Variants in DPYD observed in about 807,000 individuals in gnomAD.
The protein encoded by DPYD is dihydropyrimidine dehydrogenase [NADP(+)].
In DPYD, 109 loss-of-function variants were observed where a neutral mutation model predicts 116.2. The ratio of observed to expected loss-of-function variants is 0.94; its 90% CI spans 0.80 to 1.10. The LOEUF is 1.10. Among genes scored for constraint, DPYD ranks in the 50% least tolerant of loss-of-function variants. The probability of loss-of-function intolerance (pLI) is 0.00; values close to 1 mark genes in which losing one functional copy is unlikely to be tolerated. For synonymous variants in DPYD, 440 were observed against 432.0 expected, an observed-to-expected ratio of 1.02 and a Z score of -0.23; for missense variants, 1,302 against 1,254.5, an observed-to-expected ratio of 1.04 and a Z score of -0.57.
At chr1:97,223,433 C>A (rs571647999) in intron 19 of DPYD, among the ~76,000 whole-genome samples, 1 of 148,438 alleles carries the variant, frequency 6.7e-6, no homozygotes, top group African/African-American at 2.5e-5. Context: ...ACACACACAT[C>A]CATACAATCT....
chr1:97,218,441 T>C (rs10875055), intron 19 of DPYD, among the ~76,000 whole-genome samples: 97,606 of 151,418 alleles, frequency 0.64, 32,754 homozygotes, highest in East Asian at 0.99. Flanking sequence ...GAGCTACCCA[T>C]CCGCCTTTAT....
intron 12 of DPYD, among the ~76,000 whole-genome samples, chr1:97,549,076 T>A (rs1419103640): frequency 2.6e-5 from 4 of 152,080 alleles, no homozygotes; most frequent in African/African-American, 9.7e-5. Flanking sequence ...TTCTTATTTT[T>A]TTTTTTTGAG....
chr1:97,581,873 A>G (rs763074849), intron 10 of DPYD, among the ~76,000 whole-genome samples: 3 of 152,152 alleles, frequency 2.0e-5, no homozygotes, highest in Non-Finnish European at 4.4e-5. Context: ...TATGGAATCC[A>G]TTCTCTCTCT....
At chr1:97,555,548 G>A (rs755297334) in intron 11 of DPYD, among the ~76,000 whole-genome samples, 3 of 151,896 alleles carry the variant, frequency 2.0e-5, no homozygotes, top group Non-Finnish European at 4.4e-5. Context: ...TTGTGAACAC[G>A]TCTTACCTTT....
At chr1:97,598,026 T>A (rs1040281704) in intron 8 of DPYD, among the ~76,000 whole-genome samples, 1 of 152,170 alleles carries the variant, frequency 6.6e-6, no homozygotes, top group Non-Finnish European at 1.5e-5. Flanking sequence ...ACCATATATA[T>A]AATTGAGAGC....
intron 5 of DPYD, among the ~76,000 whole-genome samples, chr1:97,710,714 C>G (rs1249970260): frequency 6.7e-6 from 1 of 150,124 alleles, no homozygotes; most frequent in East Asian, 1.9e-4. Flanking sequence ...TCCTAGACAC[C>G]AGTATGAAAA....
intron 19 of DPYD, among the ~76,000 whole-genome samples, chr1:97,227,366 G>GA (rs35923854): frequency 0.74 from 94,128 of 127,464 alleles, 35,437 homozygotes; most frequent in East Asian, 0.98. Context: ...AAGAAAGAAA[G>GA]AAAAAAGAAA....
chr1:97,815,316 A>T (rs967507872), intron 3 of DPYD, among the ~76,000 whole-genome samples: 1 of 152,190 alleles, frequency 6.6e-6, no homozygotes, highest in African/African-American at 2.4e-5. Context: ...AGAAATGATA[A>T]CTACCTAGGA....
chr1:97,800,101 T>G (rs1408527337), intron 3 of DPYD, among the ~76,000 whole-genome samples: 1 of 151,928 alleles, frequency 6.6e-6, no homozygotes, highest in Non-Finnish European at 1.5e-5. Context: ...TCATATTAAC[T>G]GTAAAATTAG....
chr1:97,349,724 A>G (rs908054396), intron 16 of DPYD, among the ~76,000 whole-genome samples: 1 of 151,986 alleles, frequency 6.6e-6, no homozygotes, highest in Non-Finnish European at 1.5e-5. Flanking sequence ...TATGTGCCAC[A>G]TTTTCTTAAT....
chr1:97,620,279 C>T (rs1229530032), intron 8 of DPYD, among the ~76,000 whole-genome samples: 1 of 152,142 alleles, frequency 6.6e-6, no homozygotes, highest in Non-Finnish European at 1.5e-5. Context: ...GTGGCATGAT[C>T]GTAGCACACA....
At chr1:97,479,450 A>T (rs1292969380) in intron 13 of DPYD, among the ~76,000 whole-genome samples, 2 of 152,214 alleles carry the variant, frequency 1.3e-5, no homozygotes, top group Admixed American at 1.3e-4. Context: ...CACAACACGT[A>T]TTGGTTAAGT....
At chr1:97,361,341 C>A (rs1670714076) in intron 16 of DPYD, among the ~76,000 whole-genome samples, 1 of 152,080 alleles carries the variant, frequency 6.6e-6, no homozygotes, top group African/African-American at 2.4e-5. Context: ...AAGTCCAGGA[C>A]CAGACAGATT....
At chr1:97,316,374 C>T (rs375610897) in intron 16 of DPYD, among the ~76,000 whole-genome samples, 17 of 151,002 alleles carry the variant, frequency 1.1e-4, no homozygotes, top group African/African-American at 3.9e-4. Context: ...AAAAACCAGG[C>T]ATGGTAACAC....
At chr1:97,341,741 T>C (rs1669597045) in intron 16 of DPYD, among the ~76,000 whole-genome samples, 1 of 152,194 alleles carries the variant, frequency 6.6e-6, no homozygotes, top group Non-Finnish European at 1.5e-5. Flanking sequence ...GATTAGCACA[T>C]CCTTTTCTAC....
chr1:97,730,460 G>A (rs1663525877), intron 4 of DPYD, among the ~76,000 whole-genome samples: 1 of 152,098 alleles, frequency 6.6e-6, no homozygotes, highest in Non-Finnish European at 1.5e-5. Flanking sequence ...CTGACTACAA[G>A]TAATCCAGCC....
At chr1:97,346,998 A>G (rs966673793) in intron 16 of DPYD, among the ~76,000 whole-genome samples, 29 of 151,702 alleles carry the variant, frequency 1.9e-4, no homozygotes, top group African/African-American at 6.5e-4. Flanking sequence ...CCATATAAAT[A>G]TATAAATCAG....
chr1:97,550,860 C>A (rs1214660603), intron 11 of DPYD, among the ~76,000 whole-genome samples: 1 of 152,058 alleles, frequency 6.6e-6, no homozygotes, highest in Non-Finnish European at 1.5e-5. Context: ...CACCTAAAAC[C>A]AGTTTCTTCT....
chr1:97,110,498 T>C (rs1651513034), intron 20 of DPYD, among the ~76,000 whole-genome samples: 1 of 152,108 alleles, frequency 6.6e-6, no homozygotes, highest in Non-Finnish European at 1.5e-5. Context: ...ATTCAACAAT[T>C]CACCCTCATT....
Sources: gnomAD v4.1 joint callset for allele counts (sites outside exome capture counted in the v4.1 genomes callset) on GRCh38, gnomAD v4.1.1 for gene constraint, MANE v1.5 for transcripts, NCBI Gene and HGNC (gene_info 2026-07-23, HGNC 2026-07-21) for gene names.